The following CACNA1G variants were observed in gnomAD, a reference collection of about 807,000 sequenced individuals.
The protein encoded by CACNA1G is calcium voltage-gated channel subunit alpha1 G.
In CACNA1G, 67 loss-of-function variants were observed where a neutral mutation model predicts 219.4. The ratio of observed to expected loss-of-function variants is 0.31; its 90% confidence interval spans 0.25 to 0.37. CACNA1G has a LOEUF of 0.37. CACNA1G is among the 10% of genes least tolerant of loss of function. The pLI, the probability that CACNA1G is intolerant of heterozygous loss-of-function variation, is 1.00. For synonymous variants in CACNA1G, 1,296 were observed against 1,345.3 expected (o/e 0.96, Z 0.80); for missense variants, 2,380 against 3,231.4 (o/e 0.74, Z 6.39).
chr17:50,579,548 G>T (rs1456436556), intron 9 of CACNA1G, among the ~76,000 whole-genome samples: 2 of 152,050 alleles, frequency 1.3e-5, no homozygotes, highest in Non-Finnish European at 2.9e-5. Context: ...GGCCTTTCAG[G>T]TCACCCCTGT....
chr17:50,626,778 T>C lies in CACNA1G; in HGVS notation c.*27T>C, dbSNP rs115537608. 38 of 1,612,878 alleles carry C rather than the reference T, an allele frequency of 2.4e-5. No homozygotes were observed. In the African/African-American group the frequency reaches 4.8e-4, roughly 20 times the overall value. ...TCCTGCCCCACTTTCCCACTCACCT[T>C]TCTCCACTGGGTGCCAAGTCCTAGC... On this transcript the variant is annotated 3_prime_UTR_variant, in exon 38 of 38. Coordinates refer to ENST00000359106, the MANE Select transcript of CACNA1G (RefSeq NM_018896.5). The surrounding 1 kb of genome is among the most constrained non-coding windows in gnomAD (Gnocchi z 4.3).
At chr17:50,576,870 T>G (rs550376148) in intron 8 of CACNA1G, among the ~76,000 whole-genome samples, 1 of 152,250 alleles carries the variant, frequency 6.6e-6, no homozygotes, top group African/African-American at 2.4e-5. Flanking sequence ...TAAACCTGAG[T>G]CTCATTGCCT....
At chr17:50,568,250 G>T (rs198545) in intron 1 of CACNA1G, among the ~76,000 whole-genome samples, 10,970 of 152,012 alleles carry the variant, frequency 0.072, 487 homozygotes, top group African/African-American at 0.094. Flanking sequence ...AACTATCATA[G>T]ATCAGGAGCT....
Position 50,561,712 on chromosome 17 carries a change from G to C in CACNA1G, c.242+11G>C. The C allele has an allele frequency of 6.4e-7, 1 of 1,555,546 alleles. No homozygotes were observed. The highest frequency in any genetic ancestry group is 8.7e-7 in the Non-Finnish European group (1 of 1,149,630). ...CACGGTCTGTAACCCATATCCTTCG[G>C]GGCACGACGGCCAGGCGCGGGGTCA... On this transcript the variant is annotated intron_variant, in intron 1 of 37. Transcript: ENST00000359106.
Position 50,618,467 on chromosome 17 carries a change from C to T in CACNA1G, c.5427+124C>T, listed in dbSNP as rs1380697127. ...ACCTTCTCTCCCCCGTGCTAGAACA[C>T]TCTGGAACTCCCTCTCCCAGGAACA... On this transcript the variant is annotated intron_variant, in intron 32 of 37. Coordinates refer to ENST00000359106, the MANE Select transcript of CACNA1G (RefSeq NM_018896.5). This position sits in a 1 kb window ranked among gnomAD's most constrained non-coding sequence, Gnocchi z 5.3. 3.0e-6 allele frequency: 4 copies of T among 1,335,248 alleles called. No homozygotes were observed. In the East Asian group the frequency reaches 6.9e-5, roughly 23 times the overall value. 82.7% of individuals were successfully genotyped at this position (1,335,248 alleles called of 1,614,324 possible). A position where few individuals can be genotyped will look rare whatever the true frequency, so the allele number is the denominator to read the frequency against.
intron 16 of CACNA1G, among the ~76,000 whole-genome samples, chr17:50,597,409 G>T (rs954162604): frequency 1.3e-5 from 2 of 152,206 alleles, no homozygotes; most frequent in African/African-American, 4.8e-5. Context: ...ATTGCAGAAG[G>T]GAATGGCAGA....
chr17:50,607,559 C>G (rs917196139), intron 24 of CACNA1G: 1 of 459,242 alleles, frequency 2.2e-6, no homozygotes, highest in African/African-American at 2.0e-5. Context: ...CAGGAAAAGT[C>G]TGAAGATCTG....
At chr17:50,619,409 G>GCT (rs138624216) in intron 33 of CACNA1G, among the ~76,000 whole-genome samples, 5 of 150,496 alleles carry the variant, frequency 3.3e-5, no homozygotes, top group Non-Finnish European at 5.9e-5. Context: ...TCTCTTTACC[G>GCT]CTCTCTCTCT....
rs1039769362 is a variant in CACNA1G, at chr17:50,586,293, A to T, written c.2302-4178A>T. Among the ~76,000 whole-genome samples, 4 of 152,178 alleles carry T rather than the reference A, an allele frequency of 2.6e-5. No individual in the cohort carries two copies. The South Asian group carries it at 8.3e-4, about 32-fold the overall frequency. On this transcript the variant is annotated intron_variant, in intron 9 of 37. Transcript: ENST00000359106. ...GCAGAGACTTGTCCAGAGGGAGCAG[A>T]GGAAGGCTGTTCCACCTGGCCCTGC...
At chr17:50,572,436 G>T in intron 5 of CACNA1G, 118 bp from the exon 6 acceptor site, 1 of 840,074 alleles carries the variant, frequency 1.2e-6, no homozygotes, top group Non-Finnish European at 1.8e-6. Flanking sequence ...CCCCATTCTT[G>T]GTTCTGCCCT....
In CACNA1G at chr17:50,625,998, C is replaced by T. The variant is rs1289108324; in HGVS notation, c.6400-19C>T. The stretch of plus-strand genomic sequence containing the variant: ...TGGAGAGGAGACTGCTGGGCTGAGC[C>T]CTCCCCCACCCCATATAGGCAGCAA... On this transcript the variant is annotated intron_variant, in intron 37 of 37. Transcript: ENST00000359106. 1.9e-6 allele frequency: 3 copies of T among 1,583,562 alleles called. No individual in the cohort carries two copies. The highest frequency in any genetic ancestry group is 1.3e-5 in the African/African-American group (1 of 74,390).
rs1250462025 is a variant in CACNA1G at position 50,576,233 on chromosome 17, G to A, written c.1831G>A (p.Ala611Thr). 2 of 1,602,694 alleles carry A rather than the reference G, an allele frequency of 1.2e-6. No individual in the cohort carries two copies. The highest frequency in any genetic ancestry group is 2.3e-5 in the East Asian group (1 of 44,274). ...GAAGGAGAAGGCACTAGTAGAGGTG[G>A]CTGCCAGCTCTGGGCCCCCAACCCT... The part of the protein sequence containing the change: ...TLKEKALVEV[A>T]ASSGPPTLTS... Residue 611 changes from alanine to threonine, a missense_variant, in exon 8 of 38, where the codon GCT (alanine) becomes ACT (threonine). Coordinates refer to ENST00000359106, the MANE Select transcript of CACNA1G (RefSeq NM_018896.5).
intron 9 of CACNA1G, among the ~76,000 whole-genome samples, chr17:50,589,442 C>A (rs558019278): frequency 6.6e-6 from 1 of 152,142 alleles, no homozygotes. Context: ...GTTATTCAGC[C>A]GTTTTGTGTG....
At position 50,603,999 on chromosome 17, in the gene CACNA1G, T is replaced by C. The variant is rs2047383460; in HGVS notation, c.4170-156T>C. ...TTTTGAGAGATTACAATAGGGGTCC[T>C]GATGGCAGGGGTCCCATGAAAAGAG... is the stretch of plus-strand genomic sequence containing the variant. On this transcript the variant is annotated intron_variant, in intron 21 of 37. Coordinates refer to ENST00000359106, the MANE Select transcript of CACNA1G (RefSeq NM_018896.5). This position sits in a 1 kb window ranked among gnomAD's most constrained non-coding sequence, Gnocchi z 6.4. Among the ~76,000 whole-genome samples, 1 of 152,178 alleles carries C rather than the reference T, an allele frequency of 6.6e-6. No individual in the cohort carries two copies. Among genetic ancestry groups the C allele is most frequent in the East Asian group, 1.9e-4 (1 of 5,200 alleles).
intron 8 of CACNA1G, among the ~76,000 whole-genome samples, chr17:50,577,792 G>T (rs552835787): frequency 6.6e-6 from 1 of 152,248 alleles, no homozygotes; most frequent in East Asian, 1.9e-4. Context: ...GCAAGTGCAC[G>T]TGTGTGGGCG....
In CACNA1G at chr17:50,583,544, CAGGGGACAAAGGAG is replaced by C. The variant is rs967492781; in HGVS notation, c.2301+4983_2301+4996del. Among the ~76,000 whole-genome samples, 9 of 152,164 alleles carry C rather than the reference CAGGGGACAAAGGAG, an allele frequency of 5.9e-5. No individual in the cohort carries two copies. In the South Asian group the frequency reaches 1.9e-3, roughly 32 times the overall value. ...ATGCCAAATGCCGCAAGAGAGGCTT[CAGGGGACAAAGGAG>C]AGCTGCTCATCCCCAGCTCTCCTTC... is the stretch of plus-strand genomic sequence containing the variant. On this transcript the variant is annotated intron_variant, in intron 9 of 37. Coordinates refer to ENST00000359106, the MANE Select transcript of CACNA1G (RefSeq NM_018896.5).
intron 35 of CACNA1G, among the ~76,000 whole-genome samples, chr17:50,623,263 ATTTT>A (rs35058899): frequency 0.015 from 767 of 50,962 alleles, 13 homozygotes; most frequent in African/African-American, 0.062. Flanking sequence ...TATCCAGCTA[ATTTT>A]TTTTTTTTTT....
At chr17:50,608,562 TAAAAAA>T (rs200150848) in intron 25 of CACNA1G, among the ~76,000 whole-genome samples, 1 of 149,576 alleles carries the variant, frequency 6.7e-6, no homozygotes, top group African/African-American at 2.5e-5. Flanking sequence ...CTGCTAAACT[TAAAAAA>T]AGAAAAAGCA....
chr17:50,569,664 G>A, intron 3 of CACNA1G, 42 bp from the exon 4 acceptor site: 3 of 1,408,708 alleles, frequency 2.1e-6, no homozygotes, highest in Non-Finnish European at 2.0e-6. Flanking sequence ...CCCCACTGTG[G>A]CCTCAGACTC....
Sources: allele counts gnomAD v4.1 joint callset (sites outside exome capture counted in the v4.1 genomes callset), GRCh38; gene constraint gnomAD v4.1.1; non-coding constraint Gnocchi (gnomAD v3.1); transcripts MANE v1.5; gene names NCBI Gene and HGNC (gene_info 2026-07-23, HGNC 2026-07-21).